PAN3: variants seen among roughly 807,000 people sequenced by gnomAD.
PAN3 encodes the protein poly(A) specific ribonuclease subunit PAN3, also known as PAN2-PAN3 deadenylation complex subunit PAN3.
Under a neutral mutation model 96.2 loss-of-function variants are expected in PAN3, and 19 were observed. The ratio of observed to expected loss-of-function variants is 0.20; its 90% CI spans 0.14 to 0.29. The LOEUF (loss-of-function observed/expected upper bound fraction) is 0.29. Among genes scored for constraint, PAN3 ranks in the 10% least tolerant of loss-of-function variants. The pLI, the probability that PAN3 is intolerant of heterozygous loss-of-function variation, is 1.00. For missense variants in PAN3, 882 were observed against 1,108.1 expected (o/e 0.80, Z 2.90); for synonymous variants, 433 against 406.6 (o/e 1.06, Z -0.78).
chr13:28,283,390 C>T (rs1240797628), intron 17 of PAN3, among the ~76,000 whole-genome samples: 1 of 152,114 alleles, frequency 6.6e-6, no homozygotes, highest in African/African-American at 2.4e-5. Flanking sequence ...AATAGGTTGT[C>T]TATGAATAAA....
At position 28,201,029 on chromosome 13, in the gene PAN3, G is replaced by C. The variant is rs370470783; in HGVS notation, c.852+3683G>C. Reference sequence around the variant, plus strand: ...ACTTTTTTATTGTGAAACTCTCTCTGTCTCTCTCTCTCTTTTTTTTTTTTC... The same window carrying C: ...ACTTTTTTATTGTGAAACTCTCTCTCTCTCTCTCTCTCTTTTTTTTTTTTC... On this transcript the variant is annotated intron_variant, in intron 5 of 18. Coordinates refer to ENST00000380958, the MANE Select transcript of PAN3 (RefSeq NM_175854.8). Among the ~76,000 whole-genome samples, 11 of 150,888 alleles carry C rather than the reference G, an allele frequency of 7.3e-5. No individual in the cohort carries two copies. In the South Asian group the frequency reaches 1.0e-3, roughly 14 times the overall value.
chr13:28,139,274 T>C (rs1021195237), intron 1 of PAN3, among the ~76,000 whole-genome samples, 187 bp downstream of exon 1: 1 of 140,746 alleles, frequency 7.1e-6, no homozygotes, highest in African/African-American at 2.6e-5. Flanking sequence ...CCCACTGCCT[T>C]CGGCAAGTCG....
At chr13:28,168,712 C>G (rs1309349890) in intron 1 of PAN3, among the ~76,000 whole-genome samples, 1 of 151,148 alleles carries the variant, frequency 6.6e-6, no homozygotes, top group Non-Finnish European at 1.5e-5. Flanking sequence ...GAGCGAGACT[C>G]TCTTAAAAAA....
chr13:28,277,233 T>G lies in PAN3; in HGVS notation c.2050-4T>G, dbSNP rs1468754709. 6.2e-7 allele frequency: 1 copy of G among 1,601,994 alleles called. No homozygotes were observed. The highest frequency in any genetic ancestry group is 1.8e-5 in the Admixed American group (1 of 56,404). On this transcript the variant is annotated splice_polypyrimidine_tract_variant and splice_region_variant and intron_variant, in intron 14 of 18. Transcript: ENST00000380958. ...TAAAAGTTATATTTATTCTTTCATG[T>G]CAGCAAGCAGATCTGATATCATTAG...
chr13:28,236,792 G>A (rs1476430170), intron 6 of PAN3, among the ~76,000 whole-genome samples: 1 of 152,160 alleles, frequency 6.6e-6, no homozygotes, highest in East Asian at 1.9e-4. Flanking sequence ...TTTTTGTAGA[G>A]ATGGGGTCTC....
rs767983821 is a variant in PAN3, at chr13:28,288,132, A to G, written c.2523+10A>G. 1.3e-6 allele frequency: 2 copies of G among 1,590,686 alleles called. No individual in the cohort carries two copies. Among genetic ancestry groups the G allele is most frequent in the Non-Finnish European group, 1.7e-6 (2 of 1,171,240 alleles). Reference sequence around the variant, plus strand: ...TTCTTGTCTTAACAAGGTAATTTGTATCTAGATTTTTTAAGATCATAATTC... The same window carrying G: ...TTCTTGTCTTAACAAGGTAATTTGTGTCTAGATTTTTTAAGATCATAATTC... On this transcript the variant is annotated intron_variant, in intron 18 of 18. Transcript: ENST00000380958.
chr13:28,169,461 G>A lies in PAN3; in HGVS notation c.431-4811G>A, dbSNP rs571460051. ...GCCAGGCTGGTCTCAGATGAACTGA[G>A]CTCAGGTAATCTGCCCACCTCGGCC... is the stretch of plus-strand genomic sequence containing the variant. On this transcript the variant is annotated intron_variant, in intron 1 of 18. Coordinates refer to ENST00000380958, the MANE Select transcript of PAN3 (RefSeq NM_175854.8). Among the ~76,000 whole-genome samples the A allele has an allele frequency of 7.3e-5, 11 of 151,578 alleles. No homozygotes were observed. The South Asian group carries it at 2.3e-3, about 32-fold the overall frequency.
intron 6 of PAN3, among the ~76,000 whole-genome samples, chr13:28,224,310 A>G (rs760134968): frequency 5.3e-5 from 8 of 152,204 alleles, no homozygotes; most frequent in Non-Finnish European, 1.0e-4. Context: ...ACAAATTTAC[A>G]GTGTCACAGT....
intron 7 of PAN3, among the ~76,000 whole-genome samples, chr13:28,257,456 G>C (rs1885233912): frequency 6.6e-6 from 1 of 151,434 alleles, no homozygotes; most frequent in East Asian, 1.9e-4. Context: ...CCTTGGACCA[G>C]AGACCAGTGT....
At chr13:28,283,448 T>A (rs893162536) in intron 17 of PAN3, among the ~76,000 whole-genome samples, 14 of 152,304 alleles carry the variant, frequency 9.2e-5, no homozygotes, top group African/African-American at 3.1e-4. Flanking sequence ...AGTCTCTCTT[T>A]CATACCTGAC....
chr13:28,150,485 C>T (rs552747389), intron 1 of PAN3, among the ~76,000 whole-genome samples: 2 of 151,708 alleles, frequency 1.3e-5, no homozygotes, highest in African/African-American at 2.4e-5. Context: ...ATTAGCCAGG[C>T]GTGGTGGCGG....
chr13:28,238,087 TG>T (rs1392217945), intron 6 of PAN3, among the ~76,000 whole-genome samples: 1 of 152,192 alleles, frequency 6.6e-6, no homozygotes, highest in East Asian at 1.9e-4. Context: ...GAGGCACTGC[TG>T]GAAGCCTAAG....
intron 4 of PAN3, among the ~76,000 whole-genome samples, chr13:28,186,203 A>G (rs563603481): frequency 6.6e-6 from 1 of 152,134 alleles, no homozygotes; most frequent in Non-Finnish European, 1.5e-5. Flanking sequence ...TCATTTGGGT[A>G]TATGTATTTT....
chr13:28,174,983 GCT>G (rs1874774277), intron 2 of PAN3, among the ~76,000 whole-genome samples: 2 of 151,918 alleles, frequency 1.3e-5, no homozygotes, highest in Admixed American at 1.3e-4. Flanking sequence ...GTTCTTTTTG[GCT>G]CTTTTTTTCC....
At chr13:28,157,113 A>T (rs1872289492) in intron 1 of PAN3, among the ~76,000 whole-genome samples, 1 of 152,036 alleles carries the variant, frequency 6.6e-6, no homozygotes, top group South Asian at 2.1e-4. Context: ...ACATAAACAG[A>T]GCTAAAAACA....
intron 5 of PAN3, among the ~76,000 whole-genome samples, chr13:28,212,657 AT>A (rs1394149238): frequency 6.6e-6 from 1 of 152,246 alleles, no homozygotes; most frequent in African/African-American, 2.4e-5. Context: ...TAGATAAGAA[AT>A]CCAAATCAGA....
At chr13:28,273,981 T>A (rs1420070045) in intron 14 of PAN3, among the ~76,000 whole-genome samples, 1 of 152,232 alleles carries the variant, frequency 6.6e-6, no homozygotes, top group Non-Finnish European at 1.5e-5. Context: ...TGCATAAATC[T>A]GTTTTGCTCG....
intron 5 of PAN3, among the ~76,000 whole-genome samples, chr13:28,206,318 T>TTC (rs1282693808): frequency 8.8e-5 from 10 of 113,886 alleles, no homozygotes; most frequent in African/African-American, 3.0e-4. Flanking sequence ...TAACTGACTT[T>TTC]TTTTTTTTTT....
chr13:28,150,533 A>T (rs1199162703), intron 1 of PAN3, among the ~76,000 whole-genome samples: 1 of 151,236 alleles, frequency 6.6e-6, no homozygotes, highest in Non-Finnish European at 1.5e-5. Flanking sequence ...GCTACTCGGG[A>T]GGCTGAGGCA....
Sources: gnomAD v4.1 joint callset for allele counts (sites outside exome capture counted in the v4.1 genomes callset) on GRCh38, gnomAD v4.1.1 for gene constraint, MANE v1.5 for transcripts, NCBI Gene and HGNC (gene_info 2026-07-23, HGNC 2026-07-21) for gene names.